MEGF9: variants seen among roughly 807,000 people sequenced by gnomAD.
MEGF9 encodes the protein multiple epidermal growth factor-like domains protein 9.
A neutral mutation model predicts 46.8 loss-of-function variants in MEGF9; 6 were observed. The ratio of observed to expected loss-of-function variants is 0.13; its 90% CI spans 0.07 to 0.25. The LOEUF (loss-of-function observed/expected upper bound fraction) is 0.25, where lower values mean the gene tolerates loss of function less well. Among genes scored for constraint, MEGF9 ranks in the 10% least tolerant of loss-of-function variants. The probability of loss-of-function intolerance (pLI) is 1.00; values close to 1 mark genes in which losing one functional copy is unlikely to be tolerated. For synonymous variants in MEGF9, 302 were observed against 330.7 expected, an observed-to-expected ratio of 0.91 and a Z score of 0.94; for missense variants, 683 against 792.4, an observed-to-expected ratio of 0.86 and a Z score of 1.66.
In MEGF9 at chr9:120,693,826, T is replaced by C. The variant is rs147124169; in HGVS notation, c.601+19932A>G. 2.1e-3 allele frequency among the ~76,000 whole-genome samples: 319 copies of C among 152,218 alleles called. 1 individual carries two copies. The highest frequency in any genetic ancestry group is 7.2e-3 in the African/African-American group (300 of 41,536). ...GGGATGTAGGCTATTAGCCCTTAAA[T>C]GTCATCCTGGCTAATGTATAACTTT... On this transcript the variant is annotated intron_variant, in intron 1 of 5. Transcript: ENST00000373930.
At chr9:120,653,334 C>A (rs1351697119) in intron 2 of MEGF9, among the ~76,000 whole-genome samples, 1 of 151,816 alleles carries the variant, frequency 6.6e-6, no homozygotes, top group Non-Finnish European at 1.5e-5. Flanking sequence ...CTTGTTCTGA[C>A]AAATTGCCTG....
At chr9:120,638,643 T>C (rs1564417912) in intron 2 of MEGF9, among the ~76,000 whole-genome samples, 1 of 152,258 alleles carries the variant, frequency 6.6e-6, no homozygotes. Context: ...CACTGTTCTA[T>C]ATTCTCGCCA....
intron 1 of MEGF9, among the ~76,000 whole-genome samples, chr9:120,701,043 C>A (rs942957518): frequency 2.0e-5 from 3 of 151,098 alleles, no homozygotes; most frequent in East Asian, 3.9e-4. Context: ...CATTTGAACC[C>A]GGGAGGTCAA....
chr9:120,711,829 C>A (rs113173821), intron 1 of MEGF9, among the ~76,000 whole-genome samples: 2,555 of 103,970 alleles, frequency 0.025, 68 homozygotes, highest in African/African-American at 0.087. Context: ...CAAATGCTTT[C>A]TATACATACA....
chr9:120,694,996 C>A (rs987357185), intron 1 of MEGF9, among the ~76,000 whole-genome samples: 3 of 149,000 alleles, frequency 2.0e-5, no homozygotes, highest in Non-Finnish European at 4.4e-5. Flanking sequence ...AGACCTACCA[C>A]ATGCTAGGAA....
intron 1 of MEGF9, among the ~76,000 whole-genome samples, chr9:120,697,538 C>T (rs866186438): frequency 2.0e-5 from 3 of 151,930 alleles, no homozygotes; most frequent in Non-Finnish European, 4.4e-5. Flanking sequence ...TACCATTTCA[C>T]AGTATGTGGT....
At chr9:120,614,596 T>C (rs1474895587) in intron 3 of MEGF9, among the ~76,000 whole-genome samples, 1 of 152,160 alleles carries the variant, frequency 6.6e-6, no homozygotes, top group Non-Finnish European at 1.5e-5. Context: ...GAAAAATACA[T>C]ACTAGGAAAC....
intron 1 of MEGF9, among the ~76,000 whole-genome samples, chr9:120,695,736 G>C (rs994425764): frequency 6.6e-6 from 1 of 151,618 alleles, no homozygotes; most frequent in Non-Finnish European, 1.5e-5. Context: ...GGTGTGGGTA[G>C]ACACGTGTCA....
intron 1 of MEGF9, among the ~76,000 whole-genome samples, chr9:120,705,225 A>C (rs544485764): frequency 4.7e-4 from 71 of 152,266 alleles, no homozygotes; most frequent in Middle Eastern, 3.4e-3. Context: ...GACCAAAAAC[A>C]AATCAATAGG....
chr9:120,678,233 G>C (rs1434774669), intron 1 of MEGF9, among the ~76,000 whole-genome samples: 1 of 152,168 alleles, frequency 6.6e-6, no homozygotes, highest in Non-Finnish European at 1.5e-5. Context: ...TGGCTATTAT[G>C]AACAGTTGCT....
intron 1 of MEGF9, 79 bp from the exon 2 acceptor site, chr9:120,659,654 T>C: frequency 8.5e-7 from 1 of 1,175,994 alleles, no homozygotes; most frequent in Non-Finnish European, 1.2e-6. Context: ...ATTTTATTTT[T>C]CTTAATAAAT....
intron 1 of MEGF9, among the ~76,000 whole-genome samples, chr9:120,688,206 T>C (rs1413676832): frequency 6.6e-6 from 1 of 150,830 alleles, no homozygotes. Context: ...GCTTCAGAGA[T>C]CAAGTTAGGA....
chr9:120,678,330 T>C lies in MEGF9; in HGVS notation c.602-18755A>G, dbSNP rs572378115. ...GCAGTGAGATTGATGGATTGTATTG[T>C]AGCTCTAATTTTAGTTTACTGAGGA... On this transcript the variant is annotated intron_variant, in intron 1 of 5. Transcript: ENST00000373930. Among the ~76,000 whole-genome samples, 4 of 152,364 alleles carry C rather than the reference T, an allele frequency of 2.6e-5. No homozygotes were observed. In the South Asian group the frequency reaches 8.3e-4, roughly 32 times the overall value.
intron 1 of MEGF9, among the ~76,000 whole-genome samples, chr9:120,696,155 T>C (rs944460660): frequency 2.6e-5 from 4 of 152,244 alleles, no homozygotes; most frequent in Non-Finnish European, 5.9e-5. Context: ...GGCCTGAATT[T>C]GGTACCTCTG....
chr9:120,615,836 G>A (rs1156496094), intron 3 of MEGF9, among the ~76,000 whole-genome samples: 1 of 152,106 alleles, frequency 6.6e-6, no homozygotes, highest in African/African-American at 2.4e-5. Flanking sequence ...TGAGGCTGTA[G>A]TGAGCTATGA....
In MEGF9 at chr9:120,714,110, C is replaced by G. The variant is rs551076252; in HGVS notation, c.249G>C (p.Pro83=). 2.5e-5 allele frequency: 31 copies of G among 1,244,244 alleles called. No individual in the cohort carries two copies. In the African/African-American group the frequency reaches 4.3e-4, roughly 17 times the overall value. The allele number at this position is 1,244,244 out of a possible 1,614,324, so 77.1% of individuals were successfully genotyped here. A position where few individuals can be genotyped will look rare whatever the true frequency, so the allele number is the denominator to read the frequency against. ...PTAQAPRTGP[P]RATVHRPLAA... ...CCAGGGGTCGGTGGACGGTGGCGCGCGGGGGCCCGGTCCTCGGGGCCTGGG... is the reference window on the plus strand; with the variant it reads ...CCAGGGGTCGGTGGACGGTGGCGCGGGGGGGCCCGGTCCTCGGGGCCTGGG... Residue 83 remains proline (P), a synonymous_variant, in exon 1 of 6, where the codon CCG becomes CCC. Transcript: ENST00000373930.
At chr9:120,695,603 C>CAAAAAAAAAAAAAAAAAAAAAAA in intron 1 of MEGF9, among the ~76,000 whole-genome samples, 1 of 18,684 alleles carries the variant, frequency 5.4e-5, no homozygotes. Context: ...GACCCCATCT[C>CAAAAAAAAAAAAAAAAAAAAAAA]AAAAAAAAAA....
chr9:120,657,750 T>C (rs962488654), intron 2 of MEGF9, among the ~76,000 whole-genome samples: 1 of 152,190 alleles, frequency 6.6e-6, no homozygotes, highest in Non-Finnish European at 1.5e-5. Flanking sequence ...GATTATCAGT[T>C]TTCTCATTAT....
intron 1 of MEGF9, among the ~76,000 whole-genome samples, chr9:120,707,737 T>C (rs747669010): frequency 1.2e-4 from 18 of 152,302 alleles, no homozygotes; most frequent in Non-Finnish European, 2.4e-4. Context: ...TCCTAGGATG[T>C]TCTTTTCAAA....
Sources: gnomAD v4.1 joint callset for allele counts (sites outside exome capture counted in the v4.1 genomes callset) on GRCh38, gnomAD v4.1.1 for gene constraint, MANE v1.5 for transcripts, NCBI Gene and HGNC (gene_info 2026-07-23, HGNC 2026-07-21) for gene names.